The following KIF13A variants were observed in gnomAD, a reference collection of about 807,000 sequenced individuals.
KIF13A encodes kinesin-like protein KIF13A.
Under a neutral mutation model 212.2 loss-of-function variants are expected in KIF13A, and 79 were observed. That is an observed-to-expected ratio of 0.37 (90% CI 0.31 to 0.45). KIF13A has a LOEUF of 0.45. Ranked by LOEUF, KIF13A falls within the 20% of genes least tolerant of loss-of-function variation. KIF13A has a pLI of 1.00. For synonymous variants in KIF13A, 789 were observed against 808.6 expected (o/e 0.98, Z 0.41); for missense variants, 1,901 against 2,209.0 (o/e 0.86, Z 2.79).
rs1403476186 is a variant in KIF13A, at chr6:17,947,568, C to T, written c.146+39486G>A. Among the ~76,000 whole-genome samples the T allele has an allele frequency of 3.3e-5, 5 of 152,138 alleles. No homozygotes were observed. The highest frequency in any genetic ancestry group is 1.2e-4 in the African/African-American group (5 of 41,432). On this transcript the variant is annotated intron_variant, in intron 2 of 38. Coordinates refer to ENST00000259711, the MANE Select transcript of KIF13A (RefSeq NM_022113.6). This position sits in a 1 kb window ranked among gnomAD's most constrained non-coding sequence, Gnocchi z 4.6. ...CAAGAGCTGGGCGTGGTAGCTCACGCCTGTAATCCCAGCACTTTGGGAGGC... is the reference window on the plus strand; with the variant it reads ...CAAGAGCTGGGCGTGGTAGCTCACGTCTGTAATCCCAGCACTTTGGGAGGC...
At chr6:17,985,950 TC>T (rs1781517542) in intron 2 of KIF13A, among the ~76,000 whole-genome samples, 1 of 152,256 alleles carries the variant, frequency 6.6e-6, no homozygotes, top group African/African-American at 2.4e-5. Context: ...AAGCAAAGAA[TC>T]CCCAATCTTA....
intron 4 of KIF13A, among the ~76,000 whole-genome samples, chr6:17,862,130 A>G (rs1323078627): frequency 1.3e-5 from 2 of 152,104 alleles, no homozygotes; most frequent in East Asian, 1.9e-4. Context: ...ATCCTCCTGC[A>G]TCAGCCTCCC....
chr6:17,926,188 T>A lies in KIF13A; in HGVS notation c.147-28008A>T, dbSNP rs1395962760. ...ATATATAGAGTGACCAACATTCAGT[T>A]CTTGTAAACTTCCACGAATTCCTAA... On this transcript the variant is annotated intron_variant, in intron 2 of 38. Transcript: ENST00000259711. This position sits in a 1 kb window ranked among gnomAD's most constrained non-coding sequence, Gnocchi z 4.3. 6.6e-6 allele frequency among the ~76,000 whole-genome samples: 1 copy of A among 152,160 alleles called. No homozygotes were observed. Among genetic ancestry groups the A allele is most frequent in the Non-Finnish European group, 1.5e-5 (1 of 68,030 alleles).
intron 11 of KIF13A, 69 bp downstream of exon 11, chr6:17,836,809 C>A: frequency 7.3e-7 from 1 of 1,375,740 alleles, no homozygotes; most frequent in Non-Finnish European, 1.0e-6. Context: ...TGCAAATGAG[C>A]ACACCCTTGC....
In KIF13A at chr6:17,817,192, G is replaced by A. The variant is rs753700328; in HGVS notation, c.1828C>T (p.Leu610=). The change falls in exon 17 of 39, where the codon CTA becomes TTA. Residue 610 remains leucine (L), a synonymous_variant. Coordinates refer to ENST00000259711, the MANE Select transcript of KIF13A (RefSeq NM_022113.6). ...TCTAGGGCACTTCTCTTTTCTTCTA[G>A]GTATTGTTTCTCCAGGACCTGAACC... ...NVVQVLEKQY[L]EEKRSALEEQ... The A allele has an allele frequency of 6.2e-7, 1 of 1,614,042 alleles. No homozygotes were observed. The highest frequency in any genetic ancestry group is 1.7e-5 in the Admixed American group (1 of 60,024).
chr6:17,984,598 T>G lies in KIF13A; in HGVS notation c.146+2456A>C, dbSNP rs1781385993. On this transcript the variant is annotated intron_variant, in intron 2 of 38. Transcript: ENST00000259711. The surrounding 1 kb of genome is among the most constrained non-coding windows in gnomAD (Gnocchi z 5.0). ...CTGACCCCATCTGTTTTTTTTTTTT[T>G]TCCCTGGACGTCAATGCATTCTCAC... 1 of 958,784 alleles carries G rather than the reference T, an allele frequency of 1.0e-6. No individual in the cohort carries two copies. The highest frequency in any genetic ancestry group is 1.8e-5 in the African/African-American group (1 of 56,686). 59.4% of individuals were successfully genotyped at this position (958,784 alleles called of 1,614,324 possible). A position where few individuals can be genotyped will look rare whatever the true frequency, so the allele number is the denominator to read the frequency against.
At chr6:17,795,933 G>A (rs967355812) in intron 23 of KIF13A, among the ~76,000 whole-genome samples, 1 of 152,166 alleles carries the variant, frequency 6.6e-6, no homozygotes, top group Non-Finnish European at 1.5e-5. Flanking sequence ...TTAAGGTTAT[G>A]TATGATTCAT....
At chr6:17,903,402 A>C (rs1430416127) in intron 2 of KIF13A, among the ~76,000 whole-genome samples, 1 of 152,232 alleles carries the variant, frequency 6.6e-6, no homozygotes, top group Non-Finnish European at 1.5e-5. Flanking sequence ...TAAAGGATGC[A>C]ATGGGATTTC....
At chr6:17,876,255 T>G (rs1009295881) in intron 3 of KIF13A, among the ~76,000 whole-genome samples, 2 of 152,170 alleles carry the variant, frequency 1.3e-5, no homozygotes, top group Admixed American at 6.5e-5. Flanking sequence ...CCAAGAGATC[T>G]TAAGCACTGA....
chr6:17,803,026 C>T lies in KIF13A; in HGVS notation c.2454+1335G>A, dbSNP rs549791080. The stretch of plus-strand genomic sequence containing the variant: ...TTGGCTCACTGCAACCTCCACCTCC[C>T]GGGTTCAAGCGATTCTCCTGCCTCA... On this transcript the variant is annotated intron_variant, in intron 20 of 38. Transcript: ENST00000259711. Among the ~76,000 whole-genome samples, 3 of 151,490 alleles carry T rather than the reference C, an allele frequency of 2.0e-5. No homozygotes were observed. The East Asian group carries it at 5.8e-4, about 29-fold the overall frequency.
intron 25 of KIF13A, among the ~76,000 whole-genome samples, chr6:17,793,931 C>CA (rs1761823247): frequency 6.6e-6 from 1 of 151,524 alleles, no homozygotes; most frequent in Admixed American, 6.6e-5. Flanking sequence ...AAAACACACA[C>CA]AAAAAAACCC....
In KIF13A at chr6:17,912,299, T is replaced by A. The variant is rs1348853218; in HGVS notation, c.147-14119A>T. Reference sequence around the variant, plus strand: ...GCTTTCTTTTGCAACTGAGGTACCATCACTTGATAGAGTGACAGAAGAACA... The same window carrying A: ...GCTTTCTTTTGCAACTGAGGTACCAACACTTGATAGAGTGACAGAAGAACA... On this transcript the variant is annotated intron_variant, in intron 2 of 38. Coordinates refer to ENST00000259711, the MANE Select transcript of KIF13A (RefSeq NM_022113.6). This position sits in a 1 kb window ranked among gnomAD's most constrained non-coding sequence, Gnocchi z 4.2. Among the ~76,000 whole-genome samples, 1 of 152,124 alleles carries A rather than the reference T, an allele frequency of 6.6e-6. No homozygotes were observed. The highest frequency in any genetic ancestry group is 1.9e-4 in the East Asian group (1 of 5,194).
intron 2 of KIF13A, among the ~76,000 whole-genome samples, chr6:17,920,597 G>C (rs1216496160): frequency 6.6e-6 from 1 of 152,120 alleles, no homozygotes; most frequent in African/African-American, 2.4e-5. Flanking sequence ...TATGCGGCTG[G>C]GTGCGGTGGC....
Position 17,836,893 on chromosome 6 carries a change from C to G in KIF13A, c.1140G>C (p.Gln380His). 1.2e-6 allele frequency: 2 copies of G among 1,613,814 alleles called. No individual in the cohort carries two copies. Among genetic ancestry groups the G allele is most frequent in the Middle Eastern group, 1.7e-4 (1 of 6,052 alleles). The change falls in exon 11 of 39, where the codon CAG (glutamine) becomes CAC (histidine). Residue 380 changes from glutamine (Q) to histidine (H), a missense_variant. By Grantham distance (24) the Gln-to-His change is conservative. This residue lies in a region of KIF13A where 506 missense variants were observed against 637.4 expected (regional missense o/e 0.79). Transcript: ENST00000259711. ...CTGCTTTTACCTCTGCCTGAGAGAG[C>G]TGCTCTCTCAGTTTCTCGACTTCCT... is the stretch of plus-strand genomic sequence containing the variant. ...LREEVEKLREQLSQAEAMKAP... is the reference protein window; with the variant it reads ...LREEVEKLREHLSQAEAMKAP...
rs1309150947 is a variant in KIF13A at position 17,918,802 on chromosome 6, C to T, written c.147-20622G>A. ...GCCTGCACCACCTCCATCCCACCTGCATCCTGCTTGGCCCTGTCACTCAGT... is the reference window on the plus strand; with the variant it reads ...GCCTGCACCACCTCCATCCCACCTGTATCCTGCTTGGCCCTGTCACTCAGT... On this transcript the variant is annotated intron_variant, in intron 2 of 38. Transcript: ENST00000259711. This position sits in a 1 kb window ranked among gnomAD's most constrained non-coding sequence, Gnocchi z 4.8. Among the ~76,000 whole-genome samples, 5 of 152,268 alleles carry T rather than the reference C, an allele frequency of 3.3e-5. No homozygotes were observed. Among genetic ancestry groups the T allele is most frequent in the South Asian group, 4.1e-4 (2 of 4,822 alleles).
At chr6:17,868,989 C>CAAAAAAAAAAAAAAAAAAAAA (rs71002278) in intron 4 of KIF13A, among the ~76,000 whole-genome samples, 2 of 20,922 alleles carry the variant, frequency 9.6e-5, no homozygotes, top group African/African-American at 2.8e-4. Flanking sequence ...GACTCCCTCT[C>CAAAAAAAAAAAAAAAAAAAAA]AAAAAAAAAA....
rs557144818 is a variant in KIF13A at position 17,947,616 on chromosome 6, G to A, written c.146+39438C>T. On this transcript the variant is annotated intron_variant, in intron 2 of 38. Coordinates refer to ENST00000259711, the MANE Select transcript of KIF13A (RefSeq NM_022113.6). The surrounding 1 kb of genome is among the most constrained non-coding windows in gnomAD (Gnocchi z 4.6). ...GGCCGAGGTGGGTGGATCACCTGAG[G>A]TCAGGAGTTTGAGACCAGCCGACCA... Among the ~76,000 whole-genome samples the A allele has an allele frequency of 6.6e-6, 1 of 152,194 alleles. No homozygotes were observed. Among genetic ancestry groups the A allele is most frequent in the Admixed American group, 6.5e-5 (1 of 15,298 alleles).
Position 17,834,550 on chromosome 6 carries a change from T to C in KIF13A, c.1156-479A>G, listed in dbSNP as rs78073167. On this transcript the variant is annotated intron_variant, in intron 11 of 38. Transcript: ENST00000259711. This position sits in a 1 kb window ranked among gnomAD's most constrained non-coding sequence, Gnocchi z 4.0. ...GACTACCTTTCTCCACTGATGGTCATGCATTTTGTTATTTATCATTATCAT... is the reference window on the plus strand; with the variant it reads ...GACTACCTTTCTCCACTGATGGTCACGCATTTTGTTATTTATCATTATCAT... Among the ~76,000 whole-genome samples, 4,041 of 152,324 alleles carry C rather than the reference T, an allele frequency of 0.027. 76 individuals carry two copies. Among genetic ancestry groups the C allele is most frequent in the Non-Finnish European group, 0.04 (2,729 of 68,020 alleles).
intron 2 of KIF13A, among the ~76,000 whole-genome samples, chr6:17,902,443 T>C (rs1444661020): frequency 6.6e-6 from 1 of 152,228 alleles, no homozygotes; most frequent in Non-Finnish European, 1.5e-5. Context: ...CAGTTCTTAT[T>C]TTCCACATTG....
Sources: gnomAD v4.1 joint callset for allele counts (sites outside exome capture counted in the v4.1 genomes callset) on GRCh38, gnomAD v4.1.1 for gene constraint, gnomAD v4.1.1 regional missense constraint, Gnocchi (gnomAD v3.1) non-coding constraint, MANE v1.5 for transcripts, NCBI Gene and HGNC (gene_info 2026-07-23, HGNC 2026-07-21) for gene names.